Variants in GLIS3 observed in about 807,000 individuals in gnomAD.
The protein encoded by GLIS3 is GLIS family zinc finger 3, also known as zinc finger protein GLIS3.
A neutral mutation model predicts 78.6 loss-of-function variants in GLIS3; 53 were observed. That is an observed-to-expected ratio of 0.67 (90% CI 0.54 to 0.85). GLIS3 has a LOEUF of 0.85. Among genes scored for constraint, GLIS3 ranks in the 40% least tolerant of loss-of-function variants. The pLI, the probability that GLIS3 is intolerant of heterozygous loss-of-function variation, is 0.00. For missense variants in GLIS3, 1,703 were observed against 1,231.1 expected (o/e 1.38, Z -5.74); for synonymous variants, 684 against 509.9 (o/e 1.34, Z -4.60).
chr9:4,154,983 G>T (rs529062093), intron 2 of GLIS3, among the ~76,000 whole-genome samples: 135 of 152,264 alleles, frequency 8.9e-4, no homozygotes, highest in Non-Finnish European at 1.6e-3. Flanking sequence ...ACTACATGGG[G>T]AGTTTGTAAC....
chr9:4,256,942 A>C (rs1428613125), intron 2 of GLIS3, among the ~76,000 whole-genome samples: 1 of 152,198 alleles, frequency 6.6e-6, no homozygotes, highest in African/African-American at 2.4e-5. Flanking sequence ...TATTGAAACA[A>C]CTGAAATGTC....
chr9:4,341,833 C>T (rs1387362365), intron 2 of GLIS3, among the ~76,000 whole-genome samples: 3 of 152,272 alleles, frequency 2.0e-5, no homozygotes, highest in Non-Finnish European at 4.4e-5. Context: ...CTTTTTCCCA[C>T]GTTACTGATT....
At chr9:4,164,651 T>A (rs1564139250) in intron 2 of GLIS3, among the ~76,000 whole-genome samples, 1 of 152,196 alleles carries the variant, frequency 6.6e-6, no homozygotes, top group Non-Finnish European at 1.5e-5. Context: ...AAGGAAAGGC[T>A]GCTTAGAGGG....
At chr9:3,979,577 C>T (rs1819071328) in intron 4 of GLIS3, among the ~76,000 whole-genome samples, 1 of 152,152 alleles carries the variant, frequency 6.6e-6, no homozygotes, top group Non-Finnish European at 1.5e-5. Context: ...GTACTTCCTT[C>T]AGGAAGCCTT....
chr9:4,391,729 A>G, the GLIS3 span, among the ~76,000 whole-genome samples: 2 of 152,314 alleles, frequency 1.3e-5, no homozygotes, highest in Admixed American at 6.5e-5. Context: ...TTGGTAAAGC[A>G]CTTAGTACAA....
rs535604693 is a variant in GLIS3 at position 4,326,196 on chromosome 9, C to T, written n.265-15668G>A. Among the ~76,000 whole-genome samples, 7 of 151,944 alleles carry T rather than the reference C, an allele frequency of 4.6e-5. No homozygotes were observed. In the East Asian group the frequency reaches 7.7e-4, roughly 17 times the overall value. ...AACCTGCACATCCTGCACGTGTACC[C>T]GGGAACTTAAAATAAAAGTTGAAGA... On this transcript the variant is annotated intron_variant and non_coding_transcript_variant, in intron 2 of 4. Coordinates refer to the GLIS3 transcript ENST00000471664.
chr9:4,298,734 G>C (rs1300668545), intron 1 of GLIS3, among the ~76,000 whole-genome samples: 3 of 152,166 alleles, frequency 2.0e-5, no homozygotes, highest in Non-Finnish European at 4.4e-5. Context: ...GTGTCTGGCT[G>C]TGTCTGCGTC....
At chr9:4,447,028 G>C in the GLIS3 span, among the ~76,000 whole-genome samples, 2 of 151,818 alleles carry the variant, frequency 1.3e-5, no homozygotes, top group African/African-American at 4.8e-5. Context: ...GCCTGTAATG[G>C]ACCTCTATGC....
chr9:3,937,602 A>AG (rs1477058157), intron 4 of GLIS3, among the ~76,000 whole-genome samples: 6 of 152,204 alleles, frequency 3.9e-5, no homozygotes, highest in Non-Finnish European at 8.8e-5. Context: ...TAAACTAATA[A>AG]GAAAAAAAAA....
intron 5 of GLIS3, chr9:3,932,886 C>T (rs757481731): frequency 3.1e-6 from 1 of 327,480 alleles, no homozygotes; most frequent in Non-Finnish European, 6.2e-6. Flanking sequence ...TGTAGAAAGT[C>T]CAGAAAAAAA....
At chr9:3,921,923 T>TACAC (rs6150898) in intron 6 of GLIS3, among the ~76,000 whole-genome samples, 3,320 of 149,774 alleles carry the variant, frequency 0.022, 98 homozygotes, top group African/African-American at 0.07. Context: ...TCATACTGTG[T>TACAC]ACACACACAC....
intron 5 of GLIS3, among the ~76,000 whole-genome samples, chr9:3,934,056 A>ATAAACCAG (rs1825762303): frequency 6.6e-6 from 1 of 152,230 alleles, no homozygotes; most frequent in Non-Finnish European, 1.5e-5. Context: ...TGAACAATGG[A>ATAAACCAG]TAAACCAGGT....
At chr9:4,354,233 T>C in the GLIS3 span, among the ~76,000 whole-genome samples, 2 of 152,110 alleles carry the variant, frequency 1.3e-5, no homozygotes, top group African/African-American at 4.8e-5. Context: ...GCACATGAAA[T>C]TAGACTCCCC....
At chr9:4,377,403 C>CA in the GLIS3 span, among the ~76,000 whole-genome samples, 1 of 135,714 alleles carries the variant, frequency 7.4e-6, no homozygotes, top group African/African-American at 2.6e-5. Flanking sequence ...CTTGGAGTTA[C>CA]ACCAGTTGTT....
chr9:4,303,560 A>C (rs1282982918), upstream of GLIS3, among the ~76,000 whole-genome samples: 1 of 152,200 alleles, frequency 6.6e-6, no homozygotes, highest in African/African-American at 2.4e-5. Flanking sequence ...TTTTTAAAAA[A>C]TTCTTATTTA....
At chr9:4,456,861 G>T in the GLIS3 span, among the ~76,000 whole-genome samples, 1 of 152,126 alleles carries the variant, frequency 6.6e-6, no homozygotes, top group Non-Finnish European at 1.5e-5. Context: ...TATGGGCATG[G>T]TTCATGGTAT....
At chr9:4,026,884 T>C (rs557757531) in intron 4 of GLIS3, among the ~76,000 whole-genome samples, 11 of 152,270 alleles carry the variant, frequency 7.2e-5, no homozygotes, top group South Asian at 6.2e-4. Flanking sequence ...TACTCTCTTA[T>C]AGATGAAAAG....
At chr9:4,120,535 C>T (rs1427995908) in intron 3 of GLIS3, among the ~76,000 whole-genome samples, 1 of 152,210 alleles carries the variant, frequency 6.6e-6, no homozygotes, top group Non-Finnish European at 1.5e-5. Context: ...GTGGCTCTTC[C>T]TGCAGAGCTC....
At chr9:4,182,636 T>C (rs540521631) in intron 2 of GLIS3, among the ~76,000 whole-genome samples, 2 of 152,330 alleles carry the variant, frequency 1.3e-5, no homozygotes, top group East Asian at 1.9e-4. Flanking sequence ...ACTCTTCATC[T>C]TCCTCTTTTA....
Sources: gnomAD v4.1 joint callset for allele counts (sites outside exome capture counted in the v4.1 genomes callset) on GRCh38, gnomAD v4.1.1 for gene constraint, MANE v1.5 for transcripts, NCBI Gene and HGNC (gene_info 2026-07-23, HGNC 2026-07-21) for gene names.